ITPK1: variants seen among roughly 807,000 people sequenced by gnomAD.
The protein encoded by ITPK1 is inositol-tetrakisphosphate 1-kinase, also known as inositol 1,3,4-trisphosphate 5/6-kinase.
A neutral mutation model predicts 45.3 loss-of-function variants in ITPK1; 21 were observed. The ratio of observed to expected loss-of-function variants is 0.46; its 90% CI spans 0.33 to 0.67. The LOEUF (loss-of-function observed/expected upper bound fraction) is 0.67, where lower values mean the gene tolerates loss of function less well. Among genes scored for constraint, ITPK1 ranks in the 30% least tolerant of loss-of-function variants. The pLI is 0.02. For synonymous variants in ITPK1, 258 were observed against 253.6 expected (o/e 1.02, Z -0.16); for missense variants, 474 against 573.5 (o/e 0.83, Z 1.77).
chr14:93,006,438 G>A (rs1887618525), intron 4 of ITPK1, among the ~76,000 whole-genome samples: 1 of 152,248 alleles, frequency 6.6e-6, no homozygotes, highest in Admixed American at 6.5e-5. Flanking sequence ...GGGCTGTGTG[G>A]GGCGGAGCAG....
chr14:92,960,782 G>T (rs1261460253), intron 7 of ITPK1, among the ~76,000 whole-genome samples: 3 of 152,244 alleles, frequency 2.0e-5, no homozygotes, highest in Non-Finnish European at 4.4e-5. Context: ...GGGGCCTGGG[G>T]ACCAACGCTG....
intron 5 of ITPK1, among the ~76,000 whole-genome samples, chr14:92,980,401 G>A (rs1233544823): frequency 2.6e-5 from 4 of 152,316 alleles, no homozygotes; most frequent in African/African-American, 9.6e-5. Context: ...AGGCCAACAA[G>A]TCCACTCCAA....
intron 2 of ITPK1, among the ~76,000 whole-genome samples, chr14:93,081,838 G>A (rs955452318): frequency 9.2e-5 from 14 of 152,208 alleles, no homozygotes; most frequent in African/African-American, 3.4e-4. Context: ...CAGAGGCCCA[G>A]GATGTCACCC....
chr14:92,937,521 CAG>C lies in ITPK1; in HGVS notation c.*4038_*4039del, dbSNP rs1887179457. On this transcript the variant is annotated 3_prime_UTR_variant, in exon 11 of 11. Transcript: ENST00000267615. Reference sequence around the variant, plus strand: ...TCTGGGTGCTCCTGCGGGTGAGAATCAGAAGAAGACCCCAACCAGCAGGAGGC... The same window carrying C: ...TCTGGGTGCTCCTGCGGGTGAGAATCAAGAAGACCCCAACCAGCAGGAGGC... 1 of 152,262 alleles carries C rather than the reference CAG, an allele frequency of 6.6e-6. No homozygotes were observed. The highest frequency in any genetic ancestry group is 2.4e-5 in the African/African-American group (1 of 41,448). The allele number at this position is 152,262 out of a possible 1,614,324, so 9.4% of individuals were successfully genotyped here.
intron 2 of ITPK1, among the ~76,000 whole-genome samples, chr14:93,090,330 G>A (rs573464870): frequency 6.6e-6 from 1 of 152,092 alleles, no homozygotes; most frequent in African/African-American, 2.4e-5. Context: ...CCTCTTCCTC[G>A]CACCATCCTC....
chr14:93,033,786 T>C (rs1292044867), intron 3 of ITPK1, among the ~76,000 whole-genome samples: 3 of 152,134 alleles, frequency 2.0e-5, no homozygotes, highest in Non-Finnish European at 2.9e-5. Context: ...AGTGTGTGAA[T>C]GTGCGTGCCT....
At chr14:93,105,511 T>C (rs1191517094) in intron 2 of ITPK1, among the ~76,000 whole-genome samples, 2 of 138,208 alleles carry the variant, frequency 1.4e-5, no homozygotes, top group African/African-American at 5.4e-5. Context: ...TTCTCCCCAG[T>C]GCCCCTGGAG....
chr14:92,988,122 A>C (rs1369336839), intron 5 of ITPK1, among the ~76,000 whole-genome samples: 1 of 152,216 alleles, frequency 6.6e-6, no homozygotes, highest in African/African-American at 2.4e-5. Context: ...CCTGAAGTCC[A>C]AGAAAGGGAA....
intron 2 of ITPK1, among the ~76,000 whole-genome samples, chr14:93,077,992 G>C (rs1485908938): frequency 6.6e-6 from 1 of 152,194 alleles, no homozygotes; most frequent in African/African-American, 2.4e-5. Flanking sequence ...ACTCACCCAA[G>C]CTCCTTGGAG....
intron 2 of ITPK1, among the ~76,000 whole-genome samples, chr14:93,106,763 G>C (rs1005651918): frequency 3.3e-5 from 5 of 152,108 alleles, no homozygotes; most frequent in African/African-American, 1.2e-4. Flanking sequence ...CACAGGCCTG[G>C]CCAGGGCAGA....
In ITPK1 at chr14:93,012,056, C is replaced by T. The variant is rs1887937760; in HGVS notation, c.246+4620G>A. ...CTCCTGGCCTCCTCCCTCCCCGCTC[C>T]AAGCAGCCCAGCAGAGCCACGTCCT... On this transcript the variant is annotated intron_variant, in intron 4 of 10. Transcript: ENST00000267615. The surrounding 1 kb of genome is among the most constrained non-coding windows in gnomAD (Gnocchi z 4.9). 1.3e-5 allele frequency among the ~76,000 whole-genome samples: 2 copies of T among 152,160 alleles called. No individual in the cohort carries two copies. The highest frequency in any genetic ancestry group is 6.5e-5 in the Admixed American group (1 of 15,274).
chr14:93,111,015 C>T (rs556704501), intron 2 of ITPK1, among the ~76,000 whole-genome samples: 1 of 143,262 alleles, frequency 7.0e-6, no homozygotes, highest in Non-Finnish European at 1.5e-5. Context: ...CATCCCTCAT[C>T]CCTCATCCCT....
intron 3 of ITPK1, among the ~76,000 whole-genome samples, chr14:93,052,267 T>C (rs1429631687): frequency 1.3e-5 from 2 of 152,192 alleles, no homozygotes; most frequent in Non-Finnish European, 2.9e-5. Flanking sequence ...TTTTTTCAAG[T>C]GCTTTATAAA....
rs971229926 is a variant in ITPK1, at chr14:92,939,307, T to C, written c.*2254A>G. On this transcript the variant is annotated 3_prime_UTR_variant, in exon 11 of 11. Coordinates refer to ENST00000267615, the MANE Select transcript of ITPK1 (RefSeq NM_014216.6). Reference sequence around the variant, plus strand: ...TGTGACCGAAGGGGAGACAACTCTATGGACACTGTCCAGGGATCAAAGATG... The same window carrying C: ...TGTGACCGAAGGGGAGACAACTCTACGGACACTGTCCAGGGATCAAAGATG... The C allele has an allele frequency of 2.0e-5, 3 of 152,274 alleles. No homozygotes were observed. Among genetic ancestry groups the C allele is most frequent in the Admixed American group, 6.5e-5 (1 of 15,286 alleles). The allele number at this position is 152,274 out of a possible 1,614,324, so 9.4% of individuals were successfully genotyped here. A position where few individuals can be genotyped will look rare whatever the true frequency, so the allele number is the denominator to read the frequency against.
At chr14:93,084,282 A>C (rs1409449482) in intron 2 of ITPK1, among the ~76,000 whole-genome samples, 5 of 152,254 alleles carry the variant, frequency 3.3e-5, no homozygotes, top group Non-Finnish European at 7.3e-5. Context: ...GCTGGTTCCC[A>C]ACTATGGGCA....
chr14:93,112,489 G>C (rs1213596103), intron 2 of ITPK1, among the ~76,000 whole-genome samples: 1 of 138,616 alleles, frequency 7.2e-6, no homozygotes, highest in Non-Finnish European at 1.5e-5. Context: ...ACCCAAGCTA[G>C]AGTGCAGTGG....
At chr14:93,091,617 C>T (rs1891869634) in intron 2 of ITPK1, among the ~76,000 whole-genome samples, 1 of 152,186 alleles carries the variant, frequency 6.6e-6, no homozygotes, top group Admixed American at 6.5e-5. Context: ...GAAAATAGCA[C>T]GGTGGCTGGG....
chr14:92,962,462 G>C lies in ITPK1; in HGVS notation c.464-67C>G, dbSNP rs1321316236. ...CCGTTCACCCACAAGGCAGGTACTT[G>C]GCACGTCTAGAAAGGAACTCTAGCT... On this transcript the variant is annotated intron_variant, in intron 6 of 10. Coordinates refer to ENST00000267615, the MANE Select transcript of ITPK1 (RefSeq NM_014216.6). The C allele has an allele frequency of 6.5e-6, 7 of 1,071,230 alleles. No individual in the cohort carries two copies. The East Asian group carries it at 1.4e-4, about 22-fold the overall frequency. The allele number at this position is 1,071,230 out of a possible 1,614,324, so 66.4% of individuals were successfully genotyped here.
At chr14:93,077,581 G>A (rs185916463) in intron 2 of ITPK1, among the ~76,000 whole-genome samples, 7 of 152,284 alleles carry the variant, frequency 4.6e-5, no homozygotes, top group African/African-American at 1.7e-4. Context: ...GCCTCCCAAA[G>A]TGCTGGGATT....
Sources: gnomAD v4.1 joint callset for allele counts (sites outside exome capture counted in the v4.1 genomes callset) on GRCh38, gnomAD v4.1.1 for gene constraint, Gnocchi (gnomAD v3.1) non-coding constraint, MANE v1.5 for transcripts, NCBI Gene and HGNC (gene_info 2026-07-23, HGNC 2026-07-21) for gene names.